The following C8orf34 variants were observed in gnomAD, a reference collection of about 807,000 sequenced individuals.
The protein encoded by C8orf34 is chromosome 8 open reading frame 34, also known as uncharacterized protein C8orf34.
In C8orf34, 65 loss-of-function variants were observed where a neutral mutation model predicts 68.3. The observed-to-expected ratio is 0.95, with a 90% CI of 0.78 to 1.17. The LOEUF (loss-of-function observed/expected upper bound fraction) is 1.17. Ranked by LOEUF, C8orf34 falls within the 50% of genes most tolerant of loss-of-function variation. The pLI, the probability that C8orf34 is intolerant of heterozygous loss-of-function variation, is 0.00. For missense variants in C8orf34, 664 were observed against 655.4 expected, an observed-to-expected ratio of 1.01 and a Z score of -0.14; for synonymous variants, 244 against 241.2, an observed-to-expected ratio of 1.01 and a Z score of -0.11.
At chr8:68,438,532 T>C (rs1239057088) in intron 1 of C8orf34, 1 of 152,164 alleles carries the variant, frequency 6.6e-6, no homozygotes, top group East Asian at 1.9e-4. Flanking sequence ...TCTGATTTTT[T>C]GAGCACTAGA....
chr8:68,398,406 C>A (rs893459205), intron 1 of C8orf34, among the ~76,000 whole-genome samples: 3 of 151,924 alleles, frequency 2.0e-5, no homozygotes, highest in African/African-American at 7.3e-5. Flanking sequence ...TTTACATAAG[C>A]CTGAAAGGAA....
chr8:68,533,727 TA>T (rs1394911937), intron 7 of C8orf34: 1 of 943,864 alleles, frequency 1.1e-6, no homozygotes, highest in East Asian at 1.2e-4. Context: ...TTATATTTTT[TA>T]ATGTAGTATA....
At chr8:68,659,411 A>G (rs1301228162) in intron 8 of C8orf34, among the ~76,000 whole-genome samples, 1 of 152,002 alleles carries the variant, frequency 6.6e-6, no homozygotes, top group African/African-American at 2.4e-5. Flanking sequence ...GGTGTTTTTA[A>G]TCTCCTGTTT....
At position 68,794,499 on chromosome 8, in the gene C8orf34, ATATATATTTTTTTTTTT is replaced by A. The variant is rs1824116114; in HGVS notation, c.1549+6965_1549+6981del. On this transcript the variant is annotated intron_variant, in intron 12 of 13. Transcript: ENST00000518698. ...TAAATATAAATATATATATATATAT[ATATATATTTTTTTTTTT>A]TTTTTTTAGACAGGCTCTTGCTCTG... Among the ~76,000 whole-genome samples, 13 of 81,842 alleles carry A rather than the reference ATATATATTTTTTTTTTT, an allele frequency of 1.6e-4. 1 individual carries two copies. The highest frequency in any genetic ancestry group is 1.0e-3 in the African/African-American group (12 of 11,914). 53.7% of individuals were successfully genotyped at this position (81,842 alleles called of 152,430 possible). A position where few individuals can be genotyped will look rare whatever the true frequency, so the allele number is the denominator to read the frequency against.
intron 8 of C8orf34, among the ~76,000 whole-genome samples, chr8:68,655,670 T>A (rs1452229391): frequency 1.3e-5 from 2 of 152,196 alleles, no homozygotes; most frequent in Admixed American, 6.5e-5. Flanking sequence ...GTTCGAGCAG[T>A]TAGGTGTATT....
At chr8:68,617,146 T>C (rs1246026917) in intron 7 of C8orf34, among the ~76,000 whole-genome samples, 1 of 152,176 alleles carries the variant, frequency 6.6e-6, no homozygotes, top group Non-Finnish European at 1.5e-5. Flanking sequence ...GCTTGGTAGA[T>C]CTTCCTCCAT....
At chr8:68,799,166 T>TA (rs1194061846) in intron 12 of C8orf34, among the ~76,000 whole-genome samples, 1 of 152,246 alleles carries the variant, frequency 6.6e-6, no homozygotes, top group African/African-American at 2.4e-5. Flanking sequence ...TTGTTATTTT[T>TA]AAAAATCAGA....
At chr8:68,608,850 G>A (rs1307539388) in intron 7 of C8orf34, among the ~76,000 whole-genome samples, 3 of 152,030 alleles carry the variant, frequency 2.0e-5, no homozygotes, top group Non-Finnish European at 4.4e-5. Context: ...TAATAGTACG[G>A]ATGAAGTGAA....
intron 7 of C8orf34, among the ~76,000 whole-genome samples, chr8:68,595,658 C>T (rs970741242): frequency 2.0e-5 from 3 of 152,054 alleles, no homozygotes; most frequent in African/African-American, 7.2e-5. Flanking sequence ...ATTATTTCTT[C>T]AAATATTGGC....
intron 10 of C8orf34, among the ~76,000 whole-genome samples, chr8:68,728,368 T>G (rs1201238160): frequency 2.0e-5 from 3 of 152,210 alleles, no homozygotes; most frequent in Admixed American, 6.5e-5. Context: ...GTTCCAAACT[T>G]TCCCACATTT....
intron 1 of C8orf34, among the ~76,000 whole-genome samples, chr8:68,365,322 G>C (rs1807200476): frequency 1.7e-5 from 1 of 60,432 alleles, no homozygotes; most frequent in Non-Finnish European, 3.2e-5. Flanking sequence ...GAGGTACAAG[G>C]AGGAACTGGT....
At chr8:68,764,137 A>G (rs1823101900) in intron 10 of C8orf34, among the ~76,000 whole-genome samples, 1 of 152,172 alleles carries the variant, frequency 6.6e-6, no homozygotes, top group Non-Finnish European at 1.5e-5. Flanking sequence ...TATCCACATA[A>G]TGTCCTCATA....
intron 9 of C8orf34, among the ~76,000 whole-genome samples, chr8:68,714,356 A>G (rs1353821371): frequency 6.6e-6 from 1 of 152,198 alleles, no homozygotes; most frequent in Non-Finnish European, 1.5e-5. Context: ...TGCTGATGAT[A>G]TGATTGTATA....
chr8:68,645,637 G>A (rs114491255), intron 8 of C8orf34, among the ~76,000 whole-genome samples: 190 of 152,160 alleles, frequency 1.2e-3, no homozygotes, highest in African/African-American at 4.4e-3. Context: ...TAATAAGTGA[G>A]CTTAATGAAT....
At chr8:68,384,421 G>T (rs79039862) in intron 1 of C8orf34, among the ~76,000 whole-genome samples, 1,683 of 152,284 alleles carry the variant, frequency 0.011, 49 homozygotes, top group East Asian at 0.092. Context: ...TATATATGGC[G>T]CTGGCCTCTG....
chr8:68,715,382 G>A (rs1489982295), intron 9 of C8orf34, among the ~76,000 whole-genome samples: 1 of 151,952 alleles, frequency 6.6e-6, no homozygotes, highest in South Asian at 2.1e-4. Flanking sequence ...TTATGACAAT[G>A]ACTAATATCC....
intron 7 of C8orf34, among the ~76,000 whole-genome samples, chr8:68,570,422 T>C (rs1033025777): frequency 2.0e-5 from 3 of 152,204 alleles, no homozygotes; most frequent in Non-Finnish European, 4.4e-5. Flanking sequence ...TGATTGTCAG[T>C]ATTCAACAAC....
chr8:68,354,721 A>C (rs1204880094), intron 1 of C8orf34, among the ~76,000 whole-genome samples: 2 of 152,102 alleles, frequency 1.3e-5, no homozygotes, highest in East Asian at 3.9e-4. Context: ...AGGGTGTGTG[A>C]TTACCAGGTA....
chr8:68,799,183 A>G (rs1192556477), intron 12 of C8orf34, among the ~76,000 whole-genome samples: 1 of 152,210 alleles, frequency 6.6e-6, no homozygotes, highest in African/African-American at 2.4e-5. Context: ...CAGAGTTATA[A>G]AGGAGCGGCA....
Sources: allele counts gnomAD v4.1 joint callset (sites outside exome capture counted in the v4.1 genomes callset), GRCh38; gene constraint gnomAD v4.1.1; transcripts MANE v1.5; gene names NCBI Gene and HGNC (gene_info 2026-07-23, HGNC 2026-07-21).